RSPO2: variants seen among roughly 807,000 people sequenced by gnomAD.
RSPO2 encodes R-spondin 2.
In RSPO2, 14 loss-of-function variants were observed where a neutral mutation model predicts 30.9. The observed-to-expected ratio is 0.45, with a 90% CI of 0.30 to 0.71. The LOEUF (loss-of-function observed/expected upper bound fraction) is 0.71. RSPO2 is among the 30% of genes least tolerant of loss of function. The pLI, the probability that RSPO2 is intolerant of heterozygous loss-of-function variation, is 0.08. For missense variants in RSPO2, 264 were observed against 301.9 expected, an observed-to-expected ratio of 0.87 and a Z score of 0.93; for synonymous variants, 107 against 96.4, an observed-to-expected ratio of 1.11 and a Z score of -0.64.
At chr8:107,933,809 C>T (rs624798) in intron 5 of RSPO2, among the ~76,000 whole-genome samples, 81,210 of 151,980 alleles carry the variant, frequency 0.53, 23,795 homozygotes, top group East Asian at 0.7. Context: ...AATTAAAGAC[C>T]TTGTACTTGG....
At chr8:107,980,058 C>T (rs1814369141) in intron 3 of RSPO2, among the ~76,000 whole-genome samples, 1 of 152,124 alleles carries the variant, frequency 6.6e-6, no homozygotes, top group African/African-American at 2.4e-5. Context: ...ACCCTTTACC[C>T]TCTTACTCTT....
chr8:108,035,444 TG>T lies in RSPO2; in HGVS notation c.95-46201del, dbSNP rs779566375. ...TCCTCACCAGTTCTTTTTTTTGTTTTGTTTTTTTGTTTTGTTTGTTTGTTTT... is the reference window on the plus strand; with the variant it reads ...TCCTCACCAGTTCTTTTTTTTGTTTTTTTTTTTGTTTTGTTTGTTTGTTTT... On this transcript the variant is annotated intron_variant, in intron 2 of 5. Coordinates refer to ENST00000276659, the MANE Select transcript of RSPO2 (RefSeq NM_178565.5). 2.1e-4 allele frequency among the ~76,000 whole-genome samples: 32 copies of T among 152,178 alleles called. 1 individual carries two copies. The Middle Eastern group carries it at 0.01, about 49-fold the overall frequency.
chr8:107,936,891 C>T (rs117621894), intron 5 of RSPO2, among the ~76,000 whole-genome samples: 503 of 152,086 alleles, frequency 3.3e-3, no homozygotes, highest in Non-Finnish European at 5.1e-3. Flanking sequence ...TCTGGATATT[C>T]GTCTCTTATT....
At chr8:108,003,132 A>G (rs1196364174) in intron 2 of RSPO2, among the ~76,000 whole-genome samples, 1 of 146,422 alleles carries the variant, frequency 6.8e-6, no homozygotes, top group East Asian at 2.0e-4. Context: ...GCTCACCACA[A>G]CCTCTGCCTC....
At chr8:108,042,035 G>C (rs1400370563) in intron 2 of RSPO2, among the ~76,000 whole-genome samples, 1 of 152,134 alleles carries the variant, frequency 6.6e-6, no homozygotes, top group Non-Finnish European at 1.5e-5. Context: ...CAAAGAACAA[G>C]TGCATCTAAG....
intron 5 of RSPO2, among the ~76,000 whole-genome samples, chr8:107,926,777 C>T (rs1812390010): frequency 6.6e-6 from 1 of 152,156 alleles, no homozygotes; most frequent in Admixed American, 6.5e-5. Context: ...GTACCAGTAC[C>T]ATGCTGTTTT....
chr8:108,002,154 T>C (rs1379600868), intron 2 of RSPO2, among the ~76,000 whole-genome samples: 2 of 152,190 alleles, frequency 1.3e-5, no homozygotes, highest in Non-Finnish European at 2.9e-5. Flanking sequence ...TTTCACAACA[T>C]ACTTAAAAGA....
intron 2 of RSPO2, among the ~76,000 whole-genome samples, chr8:108,080,894 T>C (rs1437328792): frequency 6.6e-6 from 1 of 152,148 alleles, no homozygotes; most frequent in Non-Finnish European, 1.5e-5. Flanking sequence ...TTGACCATAA[T>C]GTAATCAAAA....
intron 5 of RSPO2, among the ~76,000 whole-genome samples, chr8:107,931,276 T>C (rs965818480): frequency 2.6e-5 from 4 of 152,186 alleles, no homozygotes; most frequent in African/African-American, 9.6e-5. Context: ...AAAGTGTGTC[T>C]TTATTCTCCC....
At chr8:108,032,099 A>G (rs1320208420) in intron 2 of RSPO2, among the ~76,000 whole-genome samples, 1 of 152,232 alleles carries the variant, frequency 6.6e-6, no homozygotes, top group Non-Finnish European at 1.5e-5. Context: ...TGCCTCTTAA[A>G]TTCAACAACT....
chr8:107,942,862 TTTTA>T (rs1487850155), intron 5 of RSPO2, among the ~76,000 whole-genome samples: 1 of 152,284 alleles, frequency 6.6e-6, no homozygotes, highest in Non-Finnish European at 1.5e-5. Flanking sequence ...TAGTTGCTGT[TTTTA>T]TTTGACTATC....
chr8:108,045,773 T>C (rs1027900210), intron 2 of RSPO2, among the ~76,000 whole-genome samples: 11 of 152,202 alleles, frequency 7.2e-5, no homozygotes, highest in Admixed American at 2.0e-4. Context: ...TGAAAAGACT[T>C]ACATTAGTGT....
At chr8:107,989,569 T>A (rs572371811) in intron 2 of RSPO2, 3 of 233,930 alleles carry the variant, frequency 1.3e-5, no homozygotes, top group Non-Finnish European at 2.4e-5. Context: ...TATGTGAAGA[T>A]CTAGCACTTA....
chr8:107,976,608 C>G, intron 3 of RSPO2, among the ~76,000 whole-genome samples: 1 of 152,174 alleles, frequency 6.6e-6, no homozygotes, highest in Non-Finnish European at 1.5e-5. Context: ...AATGATCTCA[C>G]AGTCTCTGCT....
chr8:107,927,355 G>C (rs1179815797), intron 5 of RSPO2, among the ~76,000 whole-genome samples: 1 of 152,196 alleles, frequency 6.6e-6, no homozygotes, highest in South Asian at 2.1e-4. Flanking sequence ...GGGACAATTT[G>C]ACTTCCTCTT....
intron 3 of RSPO2, among the ~76,000 whole-genome samples, chr8:107,973,388 G>GCGCA (rs1814077639): frequency 2.9e-5 from 4 of 138,436 alleles, no homozygotes; most frequent in African/African-American, 1.2e-4. Context: ...AGGTACAGTT[G>GCGCA]ACCCTTGCAC....
At chr8:107,988,793 A>G (rs905551767) in intron 3 of RSPO2, among the ~76,000 whole-genome samples, 7 of 151,926 alleles carry the variant, frequency 4.6e-5, no homozygotes, top group African/African-American at 1.2e-4. Context: ...ATGCCTGGCT[A>G]ATTTTTGTAT....
At chr8:107,917,796 G>A (rs1466962624) in intron 5 of RSPO2, among the ~76,000 whole-genome samples, 2 of 152,178 alleles carry the variant, frequency 1.3e-5, no homozygotes, top group Non-Finnish European at 2.9e-5. Context: ...CTTAGTGTAT[G>A]TCATTAATAG....
intron 3 of RSPO2, among the ~76,000 whole-genome samples, chr8:107,964,470 C>G (rs747879396): frequency 3.9e-5 from 6 of 152,106 alleles, no homozygotes; most frequent in Non-Finnish European, 8.8e-5. Context: ...TCTCAAAGTC[C>G]CGACCTCAGG....
Sources: allele counts gnomAD v4.1 joint callset (sites outside exome capture counted in the v4.1 genomes callset), GRCh38; gene constraint gnomAD v4.1.1; transcripts MANE v1.5; gene names NCBI Gene and HGNC (gene_info 2026-07-23, HGNC 2026-07-21).